The following GPR39 variants were observed in gnomAD, a reference collection of about 807,000 sequenced individuals.
GPR39 encodes zinc sensing receptor.
In GPR39, 23 loss-of-function variants were observed where a neutral mutation model predicts 18.4. The ratio of observed to expected loss-of-function variants is 1.25; its 90% CI spans 0.90 to 1.77. GPR39 has a LOEUF of 1.77. Ranked by LOEUF, GPR39 falls within the 40% of genes most tolerant of loss-of-function variation. The pLI is 0.00. For synonymous variants in GPR39, 280 were observed against 257.9 expected (o/e 1.09, Z -0.82); for missense variants, 647 against 602.4 (o/e 1.07, Z -0.78).
At chr2:132,419,617 G>T (rs1315486937) in intron 1 of GPR39, among the ~76,000 whole-genome samples, 1 of 152,208 alleles carries the variant, frequency 6.6e-6, no homozygotes, top group Non-Finnish European at 1.5e-5. Context: ...AATGGACATT[G>T]TATTTGCTTA....
At chr2:132,470,312 C>T (rs936594530) in intron 1 of GPR39, among the ~76,000 whole-genome samples, 3 of 152,090 alleles carry the variant, frequency 2.0e-5, no homozygotes, top group Non-Finnish European at 4.4e-5. Flanking sequence ...TGTTCATTTT[C>T]AGTAGGGTAG....
intron 1 of GPR39, among the ~76,000 whole-genome samples, chr2:132,601,672 A>G (rs1681045326): frequency 6.6e-6 from 1 of 152,184 alleles, no homozygotes. Context: ...CATATAGGAA[A>G]GCCTAAAGAC....
chr2:132,512,285 C>T (rs1470936768), intron 1 of GPR39, among the ~76,000 whole-genome samples: 6 of 152,148 alleles, frequency 3.9e-5, no homozygotes, highest in Non-Finnish European at 7.3e-5. Context: ...CCCAGTTAAC[C>T]AGAGTTGGCT....
At chr2:132,504,258 G>A (rs1679097634) in intron 1 of GPR39, among the ~76,000 whole-genome samples, 3 of 152,166 alleles carry the variant, frequency 2.0e-5, no homozygotes, top group African/African-American at 4.8e-5. Flanking sequence ...GCAATTGAAA[G>A]TCTAAAGCCA....
intron 1 of GPR39, chr2:132,523,977 G>A (rs890501472): frequency 3.3e-5 from 5 of 152,668 alleles, no homozygotes; most frequent in African/African-American, 1.2e-4. Context: ...GCATCACCCA[G>A]GAACTTTTGA....
chr2:132,442,556 A>G (rs565212494), intron 1 of GPR39, among the ~76,000 whole-genome samples: 1 of 152,328 alleles, frequency 6.6e-6, no homozygotes, highest in South Asian at 2.1e-4. Flanking sequence ...ATTGCCAGGA[A>G]GGCTTTTGGC....
At chr2:132,622,302 G>A (rs770237433) in intron 1 of GPR39, among the ~76,000 whole-genome samples, 16 of 152,152 alleles carry the variant, frequency 1.1e-4, no homozygotes, top group South Asian at 2.1e-4. Context: ...GCTGAGGCAC[G>A]AGAATTTCTT....
At chr2:132,471,689 C>G (rs2104783521) in intron 1 of GPR39, among the ~76,000 whole-genome samples, 1 of 150,824 alleles carries the variant, frequency 6.6e-6, no homozygotes, top group East Asian at 1.9e-4. Flanking sequence ...AACTCGTTGC[C>G]TTAACTTCAC....
At chr2:132,587,566 C>T (rs1558849479) in intron 1 of GPR39, among the ~76,000 whole-genome samples, 1 of 152,110 alleles carries the variant, frequency 6.6e-6, no homozygotes. Context: ...GAGTCTTGCT[C>T]TATCGGCCAG....
chr2:132,519,706 A>T (rs981974254), intron 1 of GPR39, among the ~76,000 whole-genome samples: 2 of 152,162 alleles, frequency 1.3e-5, no homozygotes, highest in African/African-American at 4.8e-5. Flanking sequence ...ACTCCAATGG[A>T]TGCAGCTACA....
At chr2:132,533,571 C>T (rs1190195290) in intron 1 of GPR39, among the ~76,000 whole-genome samples, 2 of 151,982 alleles carry the variant, frequency 1.3e-5, no homozygotes, top group Non-Finnish European at 2.9e-5. Flanking sequence ...AAGCTGGAGG[C>T]ATCCCACTAC....
rs371133271 is a variant in GPR39 at position 132,440,527 on chromosome 2, G to A, written c.856+22629G>A. Among the ~76,000 whole-genome samples the A allele has an allele frequency of 5.3e-5, 8 of 152,286 alleles. No homozygotes were observed. In the East Asian group the frequency reaches 1.2e-3, roughly 22 times the overall value. On this transcript the variant is annotated intron_variant, in intron 1 of 1. Coordinates refer to ENST00000329321, the MANE Select transcript of GPR39 (RefSeq NM_001508.3). ...ATGCAGGAAAGAGGAAGAACAATTG[G>A]AAATGGCTTTGACATTAGTTTGAAT...
At chr2:132,538,937 G>A (rs759473914) in intron 1 of GPR39, among the ~76,000 whole-genome samples, 9 of 152,160 alleles carry the variant, frequency 5.9e-5, no homozygotes, top group Non-Finnish European at 1.0e-4. Flanking sequence ...ATCCCAGTCC[G>A]ACTCCAGACT....
chr2:132,488,321 C>T (rs1681384343), intron 1 of GPR39, among the ~76,000 whole-genome samples: 1 of 151,986 alleles, frequency 6.6e-6, no homozygotes, highest in Admixed American at 6.5e-5. Flanking sequence ...TTTTCAAAAA[C>T]AACATGCCTG....
intron 1 of GPR39, among the ~76,000 whole-genome samples, chr2:132,536,690 G>A (rs376789820): frequency 1.1e-4 from 16 of 152,152 alleles, no homozygotes; most frequent in South Asian, 1.0e-3. Flanking sequence ...CACTATTATC[G>A]TGTGGGAGTC....
intron 1 of GPR39, among the ~76,000 whole-genome samples, chr2:132,531,129 T>C (rs2104775648): frequency 6.6e-6 from 1 of 152,112 alleles, no homozygotes; most frequent in East Asian, 1.9e-4. Context: ...CAGAGACACA[T>C]ATAGGCTCAA....
At chr2:132,521,852 T>G (rs1429711017) in intron 1 of GPR39, among the ~76,000 whole-genome samples, 3 of 152,250 alleles carry the variant, frequency 2.0e-5, no homozygotes, top group African/African-American at 7.2e-5. Flanking sequence ...TTCATTTGAT[T>G]GGGTTTCCTT....
intron 1 of GPR39, among the ~76,000 whole-genome samples, chr2:132,621,414 A>C (rs190553303): frequency 9.6e-4 from 146 of 152,334 alleles, no homozygotes; most frequent in African/African-American, 3.2e-3. Context: ...CCAAGGTCTC[A>C]GCAGACCACA....
At chr2:132,642,112 G>C (rs766463761) in intron 1 of GPR39, among the ~76,000 whole-genome samples, 2 of 152,150 alleles carry the variant, frequency 1.3e-5, no homozygotes, top group African/African-American at 4.8e-5. Context: ...ACAGAAACTG[G>C]CTTAGGAAAA....
Sources: gnomAD v4.1 joint callset for allele counts (sites outside exome capture counted in the v4.1 genomes callset) on GRCh38, gnomAD v4.1.1 for gene constraint, MANE v1.5 for transcripts, NCBI Gene and HGNC (gene_info 2026-07-23, HGNC 2026-07-21) for gene names.